GAREM1: variants seen among roughly 807,000 people sequenced by gnomAD.
The protein encoded by GAREM1 is GRB2-associated and regulator of MAPK protein 1.
In GAREM1, 26 loss-of-function variants were observed where a neutral mutation model predicts 71.3. The observed-to-expected ratio is 0.36, with a 90% CI of 0.27 to 0.51. GAREM1 has a LOEUF of 0.51. Ranked by LOEUF, GAREM1 falls within the 20% of genes least tolerant of loss-of-function variation. GAREM1 has a pLI of 0.95. For synonymous variants in GAREM1, 440 were observed against 433.2 expected (o/e 1.02, Z -0.20); for missense variants, 1,026 against 1,103.1 (o/e 0.93, Z 0.99).
chr18:32,457,389 A>G (rs1214907516), intron 1 of GAREM1, among the ~76,000 whole-genome samples: 1 of 151,960 alleles, frequency 6.6e-6, no homozygotes, highest in Non-Finnish European at 1.5e-5. Flanking sequence ...GGGAATGAAG[A>G]CTACAAATAG....
intron 1 of GAREM1, among the ~76,000 whole-genome samples, chr18:32,413,779 A>C (rs982787889): frequency 6.6e-6 from 1 of 152,154 alleles, no homozygotes; most frequent in Admixed American, 6.6e-5. Flanking sequence ...AGGAAAAAAA[A>C]CCCACCAAAA....
In GAREM1 at chr18:32,432,765, T is replaced by C. The variant is rs1599043970; in HGVS notation, c.121+37543A>G. Among the ~76,000 whole-genome samples, 5 of 152,200 alleles carry C rather than the reference T, an allele frequency of 3.3e-5. No individual in the cohort carries two copies. In the South Asian group the frequency reaches 1.0e-3, roughly 32 times the overall value. On this transcript the variant is annotated intron_variant, in intron 1 of 5. Coordinates refer to ENST00000269209, the MANE Select transcript of GAREM1 (RefSeq NM_001242409.2). ...AAGAAGAAATAGATGACTTGAATAG[T>C]CTCCTATTAATGAAATTAAATTTGT...
chr18:32,430,138 G>C (rs553918087), intron 1 of GAREM1, among the ~76,000 whole-genome samples: 1 of 152,320 alleles, frequency 6.6e-6, no homozygotes, highest in East Asian at 1.9e-4. Flanking sequence ...GTACAACTCC[G>C]CAGGCTGTCA....
At chr18:32,286,325 T>A (rs1473910758) in intron 4 of GAREM1, among the ~76,000 whole-genome samples, 1 of 129,330 alleles carries the variant, frequency 7.7e-6, no homozygotes, top group East Asian at 2.0e-4. Context: ...TTCTGGAGTG[T>A]GTGTGTGTGT....
intron 5 of GAREM1, among the ~76,000 whole-genome samples, chr18:32,269,536 A>G (rs993449847): frequency 6.6e-6 from 1 of 152,238 alleles, no homozygotes; most frequent in African/African-American, 2.4e-5. Context: ...GAAGACTTCT[A>G]TCATAGCTGA....
chr18:32,448,836 G>C (rs138240037), intron 1 of GAREM1, among the ~76,000 whole-genome samples: 1 of 152,248 alleles, frequency 6.6e-6, no homozygotes, highest in African/African-American at 2.4e-5. Flanking sequence ...ATTCAAAATA[G>C]AAAACCTTCT....
In GAREM1 at chr18:32,264,564, T is replaced by C. The variant is rs1343626754; in HGVS notation, c.*3307A>G. ...CAGTTGGAACGGACTGTCATAATAT[T>C]TCCCATAAGATTGTTGTATTTCGAC... On this transcript the variant is annotated 3_prime_UTR_variant, in exon 6 of 6. Coordinates refer to ENST00000269209, the MANE Select transcript of GAREM1 (RefSeq NM_001242409.2). 1 of 152,196 alleles carries C rather than the reference T, an allele frequency of 6.6e-6. No homozygotes were observed. The highest frequency in any genetic ancestry group is 2.4e-5 in the African/African-American group (1 of 41,432). 9.4% of individuals were successfully genotyped at this position (152,196 alleles called of 1,614,324 possible). A position where few individuals can be genotyped will look rare whatever the true frequency, so the allele number is the denominator to read the frequency against.
intron 2 of GAREM1, among the ~76,000 whole-genome samples, chr18:32,352,061 T>A (rs1418854273): frequency 1.3e-5 from 2 of 152,126 alleles, no homozygotes; most frequent in Non-Finnish European, 2.9e-5. Flanking sequence ...AAACCAAACA[T>A]CCTTTCTTTC....
intron 2 of GAREM1, among the ~76,000 whole-genome samples, chr18:32,321,704 C>T (rs566981645): frequency 6.6e-6 from 1 of 152,306 alleles, no homozygotes; most frequent in Non-Finnish European, 1.5e-5. Flanking sequence ...CATTCAATTA[C>T]TGTCAACTTC....
At chr18:32,269,354 C>G (rs2041423928) in intron 5 of GAREM1, among the ~76,000 whole-genome samples, 2 of 152,180 alleles carry the variant, frequency 1.3e-5, no homozygotes, top group African/African-American at 4.8e-5. Flanking sequence ...GCAAAGAGAG[C>G]TACTTTAAAC....
intron 4 of GAREM1, among the ~76,000 whole-genome samples, chr18:32,281,140 TTAAA>T (rs2046947191): frequency 6.6e-6 from 1 of 151,988 alleles, no homozygotes; most frequent in Admixed American, 6.6e-5. Context: ...CTCAGGGAGG[TTAAA>T]TATTTTGTGC....
At chr18:32,294,248 C>T (rs2144486583) in intron 3 of GAREM1, among the ~76,000 whole-genome samples, 1 of 152,254 alleles carries the variant, frequency 6.6e-6, no homozygotes, top group East Asian at 1.9e-4. Context: ...GGATTCAATT[C>T]ACCCTCACAT....
chr18:32,376,943 A>T (rs979566223), intron 2 of GAREM1, among the ~76,000 whole-genome samples: 1 of 152,252 alleles, frequency 6.6e-6, no homozygotes, highest in Non-Finnish European at 1.5e-5. Flanking sequence ...GTTTAGTATA[A>T]GCCAGTGTGT....
chr18:32,418,021 A>C (rs2048481099), intron 1 of GAREM1, among the ~76,000 whole-genome samples: 2 of 152,306 alleles, frequency 1.3e-5, no homozygotes, highest in Non-Finnish European at 2.9e-5. Flanking sequence ...CAAAATTAAA[A>C]AAATGAATAT....
At chr18:32,376,763 G>A (rs890019579) in intron 2 of GAREM1, among the ~76,000 whole-genome samples, 5 of 152,166 alleles carry the variant, frequency 3.3e-5, no homozygotes, top group African/African-American at 4.8e-5. Context: ...GCTTGAACCC[G>A]GGAGGCGGAG....
At chr18:32,279,754 G>A (rs1453949492) in intron 4 of GAREM1, among the ~76,000 whole-genome samples, 1 of 152,064 alleles carries the variant, frequency 6.6e-6, no homozygotes, top group African/African-American at 2.4e-5. Flanking sequence ...CATGAAACTG[G>A]TCCCTGGTGC....
intron 2 of GAREM1, among the ~76,000 whole-genome samples, chr18:32,350,647 A>G (rs2144591265): frequency 6.6e-6 from 1 of 152,354 alleles, no homozygotes; most frequent in East Asian, 1.9e-4. Context: ...TTTTAAAAAC[A>G]GCTGTACATG....
At chr18:32,338,503 T>C (rs1275641739) in intron 2 of GAREM1, among the ~76,000 whole-genome samples, 2 of 152,168 alleles carry the variant, frequency 1.3e-5, no homozygotes, top group Non-Finnish European at 2.9e-5. Flanking sequence ...GTGTGTTGAG[T>C]GTATGAGTTT....
intron 1 of GAREM1, among the ~76,000 whole-genome samples, chr18:32,465,804 G>T (rs2048993460): frequency 6.6e-6 from 1 of 152,076 alleles, no homozygotes; most frequent in African/African-American, 2.4e-5. Context: ...AATGGGCTTG[G>T]GTCCACGCTT....
Sources: gnomAD v4.1 joint callset for allele counts (sites outside exome capture counted in the v4.1 genomes callset) on GRCh38, gnomAD v4.1.1 for gene constraint, MANE v1.5 for transcripts, NCBI Gene and HGNC (gene_info 2026-07-23, HGNC 2026-07-21) for gene names.